KCNIP4: variants seen among roughly 807,000 people sequenced by gnomAD.
KCNIP4 encodes the protein Kv channel-interacting protein 4.
KCNIP4 carries 12 observed loss-of-function variants against 34.0 expected under a neutral mutation model. The observed-to-expected ratio is 0.35, with a 90% confidence interval of 0.23 to 0.57. The LOEUF is 0.57. Among genes scored for constraint, KCNIP4 ranks in the 20% least tolerant of loss-of-function variants. KCNIP4 has a pLI of 0.83. For synonymous variants in KCNIP4, 124 were observed against 102.2 expected, an observed-to-expected ratio of 1.21 and a Z score of -1.29; for missense variants, 238 against 311.7, an observed-to-expected ratio of 0.76 and a Z score of 1.78.
rs544193409 is a variant in KCNIP4 at position 21,149,611 on chromosome 4, A to G, written c.62-266902T>C. On this transcript the variant is annotated intron_variant, in intron 1 of 8. Coordinates refer to ENST00000382152, the MANE Select transcript of KCNIP4 (RefSeq NM_025221.6). ...GACATAAGGCGAGACCAGAAAAAAA[A>G]TTTAGAATGTTGAGGTGAAAAAATT... Among the ~76,000 whole-genome samples, 112 of 152,350 alleles carry G rather than the reference A, an allele frequency of 7.4e-4. 1 individual carries two copies. The highest frequency in any genetic ancestry group is 2.5e-3 in the African/African-American group (104 of 41,588).
At chr4:21,408,904 A>G (rs1724234433) in intron 1 of KCNIP4, among the ~76,000 whole-genome samples, 1 of 152,202 alleles carries the variant, frequency 6.6e-6, no homozygotes. Flanking sequence ...AACCAGTGAC[A>G]TCCCAAATCT....
At chr4:20,789,621 C>T (rs983723133) in intron 3 of KCNIP4, among the ~76,000 whole-genome samples, 121 of 151,954 alleles carry the variant, frequency 8.0e-4, no homozygotes, top group African/African-American at 2.7e-3. Flanking sequence ...TCAAAGGCCT[C>T]GAAAGCACTA....
chr4:21,014,341 C>T (rs1218063670), intron 1 of KCNIP4, among the ~76,000 whole-genome samples: 1 of 152,166 alleles, frequency 6.6e-6, no homozygotes, highest in Non-Finnish European at 1.5e-5. Flanking sequence ...GTCCTTTTCA[C>T]ATTCCCCCAA....
chr4:20,827,390 A>C (rs1404906196), intron 3 of KCNIP4, among the ~76,000 whole-genome samples: 1 of 152,066 alleles, frequency 6.6e-6, no homozygotes, highest in African/African-American at 2.4e-5. Context: ...TTCACATGGG[A>C]ATGCACGTCT....
At chr4:21,207,045 C>A (rs900700635) in intron 1 of KCNIP4, among the ~76,000 whole-genome samples, 3 of 152,170 alleles carry the variant, frequency 2.0e-5, no homozygotes, top group South Asian at 2.1e-4. Flanking sequence ...TCTCTAATAG[C>A]ATTTACTTTC....
At chr4:21,304,030 TGAGAGAGAGAGAGAGAGAGAGAGAGAGA>T in intron 1 of KCNIP4, 1 of 286,876 alleles carries the variant, frequency 3.5e-6, no homozygotes, top group Non-Finnish European at 4.7e-6. Flanking sequence ...GGAGAGCGTA[TGAGAGAGAGAGAGAGAGAGAGAGAGAGA>T]GAGAGAGAGA....
intron 3 of KCNIP4, among the ~76,000 whole-genome samples, chr4:20,796,948 G>A (rs1471586716): frequency 6.6e-6 from 1 of 152,196 alleles, no homozygotes; most frequent in African/African-American, 2.4e-5. Context: ...TCTTGAGTAA[G>A]TTATGAGATT....
At chr4:21,467,434 A>T (rs1730087205) in intron 1 of KCNIP4, among the ~76,000 whole-genome samples, 1 of 152,130 alleles carries the variant, frequency 6.6e-6, no homozygotes, top group Non-Finnish European at 1.5e-5. Context: ...TCACAACACT[A>T]CACCACAACT....
At chr4:20,907,509 T>A (rs1577348379) in intron 1 of KCNIP4, among the ~76,000 whole-genome samples, 1 of 152,170 alleles carries the variant, frequency 6.6e-6, no homozygotes, top group Non-Finnish European at 1.5e-5. Flanking sequence ...ACTAAAAATA[T>A]CATTGAGGTA....
intron 1 of KCNIP4, among the ~76,000 whole-genome samples, chr4:21,917,424 C>T (rs1219156259): frequency 1.3e-5 from 2 of 152,166 alleles, no homozygotes; most frequent in Non-Finnish European, 2.9e-5. Flanking sequence ...CATAAACCAC[C>T]ACACCTGGCA....
intron 1 of KCNIP4, among the ~76,000 whole-genome samples, chr4:21,417,848 G>C (rs963372383): frequency 2.6e-5 from 4 of 152,136 alleles, no homozygotes; most frequent in Non-Finnish European, 4.4e-5. Flanking sequence ...CACTGTGCCA[G>C]GACATACACT....
At chr4:21,214,686 C>A (rs908477784) in intron 1 of KCNIP4, among the ~76,000 whole-genome samples, 2 of 152,074 alleles carry the variant, frequency 1.3e-5, no homozygotes, top group Non-Finnish European at 2.9e-5. Flanking sequence ...TATGTTAAAC[C>A]TCTTAATATA....
chr4:20,929,854 A>AT (rs1463431575), intron 1 of KCNIP4, among the ~76,000 whole-genome samples: 18 of 147,114 alleles, frequency 1.2e-4, no homozygotes, highest in Non-Finnish European at 2.4e-4. Flanking sequence ...TAAACCTTTG[A>AT]TAAAAAAAGT....
In KCNIP4 at chr4:21,124,225, T is replaced by C. The variant is rs1750421154; in HGVS notation, c.62-241516A>G. 5.3e-5 allele frequency among the ~76,000 whole-genome samples: 8 copies of C among 152,294 alleles called. No homozygotes were observed. In the South Asian group the frequency reaches 1.7e-3, roughly 32 times the overall value. ...ATACAGTGTTTGGAAAGTCCCACTATACATTTATGAGAGAATGAGAAAGAA... is the reference window on the plus strand; with the variant it reads ...ATACAGTGTTTGGAAAGTCCCACTACACATTTATGAGAGAATGAGAAAGAA... On this transcript the variant is annotated intron_variant, in intron 1 of 8. Transcript: ENST00000382152.
intron 1 of KCNIP4, among the ~76,000 whole-genome samples, chr4:21,817,491 A>T (rs1201648245): frequency 6.6e-6 from 1 of 152,170 alleles, no homozygotes; most frequent in Non-Finnish European, 1.5e-5. Context: ...AGACAACCAT[A>T]AGGGTGACTG....
chr4:20,951,787 G>GT (rs1206433005), intron 1 of KCNIP4, among the ~76,000 whole-genome samples: 12 of 152,140 alleles, frequency 7.9e-5, no homozygotes, highest in Admixed American at 7.9e-4. Flanking sequence ...AAAAATCTGG[G>GT]TTTACTTAAG....
chr4:21,628,417 T>C (rs1394133), intron 1 of KCNIP4, among the ~76,000 whole-genome samples: 152,039 of 152,244 alleles, frequency 1, 75,918 homozygotes, highest in Middle Eastern at 1. Flanking sequence ...CCTCAAGGTG[T>C]GTAAGTCCTA....
intron 1 of KCNIP4, among the ~76,000 whole-genome samples, chr4:21,354,537 G>A (rs564558627): frequency 2.6e-4 from 40 of 152,058 alleles, no homozygotes; most frequent in Non-Finnish European, 4.6e-4. Context: ...AACAAAGATC[G>A]AAAGAGACAA....
At chr4:20,844,795 A>T (rs1352745434) in intron 3 of KCNIP4, among the ~76,000 whole-genome samples, 1 of 152,156 alleles carries the variant, frequency 6.6e-6, no homozygotes, top group Non-Finnish European at 1.5e-5. Flanking sequence ...TTACTGCAGA[A>T]TTTCCCAAAC....
Sources: gnomAD v4.1 joint callset for allele counts (sites outside exome capture counted in the v4.1 genomes callset) on GRCh38, gnomAD v4.1.1 for gene constraint, MANE v1.5 for transcripts, NCBI Gene and HGNC (gene_info 2026-07-23, HGNC 2026-07-21) for gene names.